NRXN1: variants seen among roughly 807,000 people sequenced by gnomAD.
The protein encoded by NRXN1 is neurexin 1.
In NRXN1, 39 loss-of-function variants were observed where a neutral mutation model predicts 150.9. The observed-to-expected ratio is 0.26, with a 90% CI of 0.20 to 0.34. The LOEUF (loss-of-function observed/expected upper bound fraction) is 0.34, where lower values mean the gene tolerates loss of function less well. NRXN1 is among the 10% of genes least tolerant of loss of function. The probability of loss-of-function intolerance (pLI) is 1.00; values close to 1 mark genes in which losing one functional copy is unlikely to be tolerated. For missense variants in NRXN1, 1,815 were observed against 1,949.9 expected (o/e 0.93, Z 1.30); for synonymous variants, 924 against 757.0 (o/e 1.22, Z -3.62).
intron 17 of NRXN1, among the ~76,000 whole-genome samples, chr2:50,365,757 T>C (rs2079539061): frequency 6.6e-6 from 1 of 152,070 alleles, no homozygotes; most frequent in Admixed American, 6.6e-5. Flanking sequence ...TAAGTCATTG[T>C]TGAACTCATC....
chr2:50,426,204 C>A (rs1462975807), intron 17 of NRXN1, among the ~76,000 whole-genome samples: 3 of 152,166 alleles, frequency 2.0e-5, no homozygotes, highest in Non-Finnish European at 4.4e-5. Context: ...AAAAGACCAA[C>A]TCTAGGATAA....
intron 18 of NRXN1, among the ~76,000 whole-genome samples, chr2:50,103,204 T>C (rs1701194630): frequency 6.6e-6 from 1 of 152,102 alleles, no homozygotes. Context: ...TCAAAAAAGA[T>C]TCATCATTCT....
intron 2 of NRXN1, among the ~76,000 whole-genome samples, chr2:50,934,927 T>C (rs1688295466): frequency 6.6e-6 from 1 of 152,204 alleles, no homozygotes; most frequent in South Asian, 2.1e-4. Context: ...ATAAGTCTTT[T>C]CCTTTAGACC....
intron 17 of NRXN1, among the ~76,000 whole-genome samples, chr2:50,386,346 C>A (rs1482772875): frequency 2.0e-5 from 3 of 151,640 alleles, no homozygotes; most frequent in African/African-American, 7.3e-5. Flanking sequence ...TGAAAATTAT[C>A]TTAGATTTTT....
chr2:50,947,331 GTCAAATACTGTAGT>G (rs906097876), intron 2 of NRXN1, among the ~76,000 whole-genome samples: 1 of 151,904 alleles, frequency 6.6e-6, no homozygotes, highest in Non-Finnish European at 1.5e-5. Context: ...TCAGACATTT[GTCAAATACTGTAGT>G]TCAAATATAC....
intron 21 of NRXN1, among the ~76,000 whole-genome samples, chr2:50,003,244 G>A (rs1239305046): frequency 1.3e-5 from 2 of 152,034 alleles, no homozygotes; most frequent in African/African-American, 4.8e-5. Flanking sequence ...AGAGATCAGA[G>A]GCTTGGGGAA....
At position 51,028,107 on chromosome 2, in the gene NRXN1, A is replaced by G; in HGVS notation, c.167T>C (p.Phe56Ser). 1 of 1,579,572 alleles carries G rather than the reference A, an allele frequency of 6.3e-7. No individual in the cohort carries two copies. Among genetic ancestry groups the G allele is most frequent in the Non-Finnish European group, 8.6e-7 (1 of 1,165,506 alleles). Reference sequence around the variant, plus strand: ...GCGGGCGCTGCGAGTCTTGAGCTGGAAGCTCATCTCGCTCTCGCAGCAGGC... The same window carrying G: ...GCGGGCGCTGCGAGTCTTGAGCTGGGAGCTCATCTCGCTCTCGCAGCAGGC... ...WNACCESEMS[F>S]QLKTRSARGL... The change falls in exon 2 of 23, where the codon TTC becomes TCC. Residue 56 changes from phenylalanine (F) to serine (S), a missense_variant. Coordinates refer to ENST00000401669, the MANE Select transcript of NRXN1 (RefSeq NM_001330078.2).
intron 12 of NRXN1, among the ~76,000 whole-genome samples, chr2:50,508,517 T>G (rs968847491): frequency 1.3e-5 from 2 of 152,202 alleles, no homozygotes; most frequent in Non-Finnish European, 2.9e-5. Context: ...TCTTTCATTT[T>G]GATCCTTGAA....
At chr2:50,689,481 A>G (rs892470555) in intron 5 of NRXN1, among the ~76,000 whole-genome samples, 1 of 152,182 alleles carries the variant, frequency 6.6e-6, no homozygotes, top group Non-Finnish European at 1.5e-5. Context: ...TCCATCCTTT[A>G]AATTCTCTGT....
At chr2:50,130,753 A>G (rs1442848407) in intron 18 of NRXN1, among the ~76,000 whole-genome samples, 1 of 152,210 alleles carries the variant, frequency 6.6e-6, no homozygotes, top group East Asian at 1.9e-4. Flanking sequence ...AATCAGCATT[A>G]TGACCTCCGA....
chr2:50,408,324 T>C (rs551255065), intron 17 of NRXN1, among the ~76,000 whole-genome samples: 2 of 152,348 alleles, frequency 1.3e-5, no homozygotes, highest in East Asian at 1.9e-4. Context: ...AGAATATTTA[T>C]TGAGCACTTA....
chr2:50,725,590 G>A (rs1029892307), intron 5 of NRXN1, among the ~76,000 whole-genome samples: 4 of 151,934 alleles, frequency 2.6e-5, no homozygotes, highest in African/African-American at 9.7e-5. Context: ...CCAGCACAAG[G>A]GGCAAATGCA....
In NRXN1 at chr2:50,403,913, T is replaced by C. The variant is rs148440816; in HGVS notation, c.3364+61529A>G. 4.3e-4 allele frequency among the ~76,000 whole-genome samples: 65 copies of C among 152,236 alleles called. No homozygotes were observed. The East Asian group carries it at 0.012, about 28-fold the overall frequency. On this transcript the variant is annotated intron_variant, in intron 17 of 22. Transcript: ENST00000401669. ...ATTTACCCAATCTTTTGTCAGTTAA[T>C]GCCCTCTGAACATAAGACAATGTTC...
At chr2:50,043,993 A>T (rs1018265687) in intron 21 of NRXN1, among the ~76,000 whole-genome samples, 1 of 152,166 alleles carries the variant, frequency 6.6e-6, no homozygotes, top group Non-Finnish European at 1.5e-5. Flanking sequence ...AAAGAAGAGA[A>T]GAAAAAAGGC....
chr2:50,853,547 A>G (rs1674822959), intron 5 of NRXN1, among the ~76,000 whole-genome samples: 1 of 152,100 alleles, frequency 6.6e-6, no homozygotes, highest in African/African-American at 2.4e-5. Context: ...TTCTATTCAC[A>G]TCTTAGCTTC....
At chr2:50,351,216 T>G (rs1429508854) in intron 17 of NRXN1, among the ~76,000 whole-genome samples, 1 of 152,178 alleles carries the variant, frequency 6.6e-6, no homozygotes, top group African/African-American at 2.4e-5. Context: ...GAAACATGGT[T>G]TTTGGCTAAC....
At chr2:50,046,100 C>A (rs1691764999) in intron 21 of NRXN1, among the ~76,000 whole-genome samples, 1 of 152,144 alleles carries the variant, frequency 6.6e-6, no homozygotes, top group East Asian at 1.9e-4. Context: ...ACACAAGAAA[C>A]TTCCTGAGTG....
chr2:50,959,941 A>C (rs551490539), intron 2 of NRXN1, among the ~76,000 whole-genome samples: 1 of 152,136 alleles, frequency 6.6e-6, no homozygotes, highest in South Asian at 2.1e-4. Flanking sequence ...TTTATATAAA[A>C]TTTCAAAAAA....
chr2:50,154,569 T>C (rs2152776891), intron 18 of NRXN1, among the ~76,000 whole-genome samples: 1 of 151,732 alleles, frequency 6.6e-6, no homozygotes, highest in South Asian at 2.1e-4. Context: ...AGGTCAACTG[T>C]GAGTGATGTG....
Sources: allele counts gnomAD v4.1 joint callset (sites outside exome capture counted in the v4.1 genomes callset), GRCh38; gene constraint gnomAD v4.1.1; transcripts MANE v1.5; gene names NCBI Gene and HGNC (gene_info 2026-07-23, HGNC 2026-07-21).